ST7: variants seen among roughly 807,000 people sequenced by gnomAD.
The protein encoded by ST7 is suppression of tumorigenicity 7, also known as suppressor of tumorigenicity 7 protein.
ST7 carries 28 observed loss-of-function variants against 78.7 expected under a neutral mutation model. The observed-to-expected ratio is 0.36, with a 90% CI of 0.26 to 0.49. The LOEUF (loss-of-function observed/expected upper bound fraction) is 0.49, where lower values mean the gene tolerates loss of function less well. Ranked by LOEUF, ST7 falls within the 20% of genes least tolerant of loss-of-function variation. ST7 has a pLI of 0.99. For missense variants in ST7, 418 were observed against 696.0 expected (o/e 0.60, Z 4.49); for synonymous variants, 247 against 249.6 (o/e 0.99, Z 0.10).
At chr7:117,208,926 T>TGG (rs1374826857) in intron 12 of ST7, among the ~76,000 whole-genome samples, 1 of 148,018 alleles carries the variant, frequency 6.8e-6, no homozygotes, top group African/African-American at 2.4e-5. Flanking sequence ...TGTGTGTGTG[T>TGG]GTGTGTGTGT....
intron 1 of ST7, among the ~76,000 whole-genome samples, chr7:117,044,471 C>T (rs531737429): frequency 3.3e-5 from 5 of 152,200 alleles, no homozygotes; most frequent in Non-Finnish European, 7.4e-5. Context: ...CTCACCCTCC[C>T]GAGTACCTGG....
chr7:117,136,351 C>T, intron 8 of ST7, 116 bp downstream of exon 8: 1 of 1,306,950 alleles, frequency 7.7e-7, no homozygotes, highest in Non-Finnish European at 1.1e-6. Flanking sequence ...AAAATATTGG[C>T]TTTTGCTTTG....
chr7:117,007,590 TC>T (rs1366637828), intron 1 of ST7, among the ~76,000 whole-genome samples: 2 of 152,234 alleles, frequency 1.3e-5, no homozygotes, highest in African/African-American at 4.8e-5. Context: ...GTGGCTACAC[TC>T]AACAACAGAT....
At chr7:117,207,935 TA>T (rs574978004) in intron 12 of ST7, among the ~76,000 whole-genome samples, 16 of 152,272 alleles carry the variant, frequency 1.1e-4, no homozygotes, top group African/African-American at 3.8e-4. Flanking sequence ...ACAAGTTATT[TA>T]TTTTTTTTCA....
At chr7:117,209,653 T>G in intron 12 of ST7, 134 bp from the exon 13 acceptor site, 1 of 995,344 alleles carries the variant, frequency 1.0e-6, no homozygotes, top group Non-Finnish European at 1.5e-6. Flanking sequence ...TGCCTTCAAA[T>G]GTAGTAATGA....
At chr7:117,021,369 T>C (rs1404991014) in intron 1 of ST7, among the ~76,000 whole-genome samples, 1 of 152,216 alleles carries the variant, frequency 6.6e-6, no homozygotes, top group African/African-American at 2.4e-5. Flanking sequence ...ATAACGTCAA[T>C]GCAGTTGTAC....
At chr7:117,087,867 C>G (rs749104817) in intron 1 of ST7, among the ~76,000 whole-genome samples, 3 of 152,104 alleles carry the variant, frequency 2.0e-5, no homozygotes, top group African/African-American at 4.8e-5. Flanking sequence ...ATTATAGGCG[C>G]TCCCCTCTGA....
At chr7:117,077,337 G>A (rs750015351) in intron 1 of ST7, among the ~76,000 whole-genome samples, 9 of 152,192 alleles carry the variant, frequency 5.9e-5, no homozygotes, top group Non-Finnish European at 1.0e-4. Context: ...CAGCTGGAGG[G>A]TGGGGCTTTG....
intron 1 of ST7, among the ~76,000 whole-genome samples, chr7:117,053,427 C>T (rs529101572): frequency 6.6e-6 from 1 of 152,310 alleles, no homozygotes; most frequent in East Asian, 1.9e-4. Context: ...GGATCTTTGC[C>T]CTCCTCCTTT....
intron 1 of ST7, among the ~76,000 whole-genome samples, chr7:116,979,634 T>C (rs1300317122): frequency 6.6e-6 from 1 of 152,214 alleles, no homozygotes; most frequent in Admixed American, 6.5e-5. Context: ...CTTTGCTTCC[T>C]ACTTCTGCCT....
intron 1 of ST7, among the ~76,000 whole-genome samples, chr7:117,081,892 TGAGA>T (rs142782899): frequency 6.8e-5 from 10 of 147,060 alleles, no homozygotes; most frequent in African/African-American, 1.7e-4. Context: ...AAATAGAGAT[TGAGA>T]GAGAGAGAGA....
At chr7:117,095,252 T>A (rs1475620460) in intron 1 of ST7, among the ~76,000 whole-genome samples, 1 of 152,218 alleles carries the variant, frequency 6.6e-6, no homozygotes, top group Non-Finnish European at 1.5e-5. Context: ...CGTGGCTGGC[T>A]TCTTACAGAC....
At chr7:117,137,888 G>A (rs1045867328) in intron 8 of ST7, among the ~76,000 whole-genome samples, 5 of 151,972 alleles carry the variant, frequency 3.3e-5, no homozygotes, top group African/African-American at 4.8e-5. Flanking sequence ...TAACACTAGG[G>A]TAGTTTTTCA....
intron 9 of ST7, among the ~76,000 whole-genome samples, chr7:117,159,796 G>A (rs984125289): frequency 3.3e-5 from 5 of 152,206 alleles, no homozygotes; most frequent in African/African-American, 7.2e-5. Context: ...GGGAAGCTGA[G>A]GCAGGAGAAT....
intron 9 of ST7, among the ~76,000 whole-genome samples, chr7:117,169,224 C>T (rs2117258845): frequency 6.6e-6 from 1 of 151,614 alleles, no homozygotes. Context: ...CAACCTCCAC[C>T]TCCTGGGTTC....
intron 9 of ST7, among the ~76,000 whole-genome samples, chr7:117,163,855 T>C (rs1807341313): frequency 6.6e-6 from 1 of 152,204 alleles, no homozygotes; most frequent in Non-Finnish European, 1.5e-5. Context: ...ATTCATAAAA[T>C]ATTTTCCCAG....
intron 10 of ST7, chr7:117,187,840 A>AAAAAAAT (rs1809408188): frequency 6.6e-6 from 1 of 152,188 alleles, no homozygotes; most frequent in African/African-American, 2.4e-5. Flanking sequence ...ACAATCAATG[A>AAAAAAAT]GTATACCCTA....
chr7:116,972,910 ATGG>A, intron 1 of ST7: 1 of 1,330,866 alleles, frequency 7.5e-7, no homozygotes, highest in Non-Finnish European at 1.1e-6. Flanking sequence ...GATCCCAGCC[ATGG>A]TGCCCACTCA....
intron 1 of ST7, among the ~76,000 whole-genome samples, chr7:116,997,374 G>C (rs1794716232): frequency 6.6e-6 from 1 of 152,136 alleles, no homozygotes; most frequent in Non-Finnish European, 1.5e-5. Flanking sequence ...TGATTGGTCT[G>C]TTTTACAGGG....
Sources: gnomAD v4.1 joint callset for allele counts (sites outside exome capture counted in the v4.1 genomes callset) on GRCh38, gnomAD v4.1.1 for gene constraint, MANE v1.5 for transcripts, NCBI Gene and HGNC (gene_info 2026-07-23, HGNC 2026-07-21) for gene names.